Variants in SEZ6L observed in about 807,000 individuals in gnomAD.
SEZ6L encodes the protein seizure related 6 homolog like.
In SEZ6L, 37 loss-of-function variants were observed where a neutral mutation model predicts 106.2. That is an observed-to-expected ratio of 0.35 (90% CI 0.27 to 0.46). The LOEUF (loss-of-function observed/expected upper bound fraction) is 0.46, where lower values mean the gene tolerates loss of function less well. Ranked by LOEUF, SEZ6L falls within the 20% of genes least tolerant of loss-of-function variation. SEZ6L has a pLI of 1.00. For synonymous variants in SEZ6L, 541 were observed against 570.4 expected, an observed-to-expected ratio of 0.95 and a Z score of 0.73; for missense variants, 1,172 against 1,332.8, an observed-to-expected ratio of 0.88 and a Z score of 1.88.
chr22:26,171,429 A>T (rs1938596340), intron 1 of SEZ6L, among the ~76,000 whole-genome samples: 1 of 151,872 alleles, frequency 6.6e-6, no homozygotes, highest in South Asian at 2.1e-4. Flanking sequence ...AAGAACCTGA[A>T]TCTACCCAGC....
At chr22:26,310,471 G>A (rs1359809924) in intron 6 of SEZ6L, among the ~76,000 whole-genome samples, 199 bp from the exon 7 acceptor site, 2 of 152,216 alleles carry the variant, frequency 1.3e-5, no homozygotes, top group African/African-American at 4.8e-5. Flanking sequence ...GGGAGGCGGA[G>A]GTTGCAGTGA....
chr22:26,328,082 G>T (rs866931939), intron 9 of SEZ6L, among the ~76,000 whole-genome samples: 1 of 152,200 alleles, frequency 6.6e-6, no homozygotes, highest in Non-Finnish European at 1.5e-5. Flanking sequence ...TCCACAGAGG[G>T]AAGCATGCAG....
At chr22:26,254,447 T>C (rs2079735127) in intron 1 of SEZ6L, among the ~76,000 whole-genome samples, 1 of 151,610 alleles carries the variant, frequency 6.6e-6, no homozygotes, top group Non-Finnish European at 1.5e-5. Flanking sequence ...GAAGGAAAAA[T>C]GTCAAACAAA....
At chr22:26,233,816 G>T (rs879304452) in intron 1 of SEZ6L, among the ~76,000 whole-genome samples, 13 of 152,186 alleles carry the variant, frequency 8.5e-5, no homozygotes, top group Admixed American at 7.9e-4. Flanking sequence ...GGTAAATGTG[G>T]TTCCCTAGAA....
intron 1 of SEZ6L, among the ~76,000 whole-genome samples, chr22:26,271,942 C>T (rs2080383442): frequency 6.6e-6 from 1 of 152,182 alleles, no homozygotes; most frequent in Non-Finnish European, 1.5e-5. Flanking sequence ...GTGATGTAGA[C>T]AGAAGATGAA....
intron 1 of SEZ6L, among the ~76,000 whole-genome samples, chr22:26,220,856 G>A (rs2078444306): frequency 6.6e-6 from 1 of 152,018 alleles, no homozygotes; most frequent in African/African-American, 2.4e-5. Context: ...GAAAGGAAGG[G>A]GGAATGTGCT....
intron 12 of SEZ6L, among the ~76,000 whole-genome samples, chr22:26,352,814 G>A (rs1276965662): frequency 1.3e-5 from 2 of 152,212 alleles, no homozygotes; most frequent in African/African-American, 2.4e-5. Context: ...TGAAGACAGA[G>A]TATGGCCAAA....
chr22:26,277,029 G>T (rs892181233), intron 1 of SEZ6L, among the ~76,000 whole-genome samples: 3 of 151,962 alleles, frequency 2.0e-5, no homozygotes, highest in Non-Finnish European at 4.4e-5. Flanking sequence ...TTACAAAGGA[G>T]GCCCATTCGT....
chr22:26,253,367 G>A (rs909112035), intron 1 of SEZ6L, among the ~76,000 whole-genome samples: 12 of 152,180 alleles, frequency 7.9e-5, no homozygotes, highest in Non-Finnish European at 1.2e-4. Context: ...TGCTGCTGCT[G>A]CTGATGATGA....
chr22:26,225,626 G>A (rs1240628001), intron 1 of SEZ6L, among the ~76,000 whole-genome samples: 1 of 152,242 alleles, frequency 6.6e-6, no homozygotes, highest in Non-Finnish European at 1.5e-5. Flanking sequence ...GAGAAAGAGG[G>A]ATTAGGGATG....
rs184172885 is a variant in SEZ6L, at chr22:26,367,162, T to C, written c.2794+1596T>C. 1.0e-3 allele frequency among the ~76,000 whole-genome samples: 157 copies of C among 152,216 alleles called. 1 individual carries two copies. The highest frequency in any genetic ancestry group is 3.6e-3 in the African/African-American group (150 of 41,534). On this transcript the variant is annotated intron_variant, in intron 13 of 16. Coordinates refer to ENST00000248933, the MANE Select transcript of SEZ6L (RefSeq NM_021115.5). ...GCTTGCAGTTACATTGAGGCAGGGC[T>C]GGGACGAGTCTGAGGCAAAAGAGGT...
chr22:26,343,293 A>T (rs1055113096), intron 10 of SEZ6L, among the ~76,000 whole-genome samples: 7 of 149,602 alleles, frequency 4.7e-5, no homozygotes, highest in African/African-American at 1.7e-4. Context: ...CGCCCAAGTC[A>T]GTATTCCAAA....
chr22:26,294,213 C>G lies in SEZ6L; in HGVS notation c.836-79C>G, dbSNP rs925834146. 3 of 1,456,480 alleles carry G rather than the reference C, an allele frequency of 2.1e-6. No homozygotes were observed. The African/African-American group carries it at 4.2e-5, about 20-fold the overall frequency. The allele number at this position is 1,456,480 out of a possible 1,614,324, so 90.2% of individuals were successfully genotyped here. A position where few individuals can be genotyped will look rare whatever the true frequency, so the allele number is the denominator to read the frequency against. ...AGCAAAATGCAGGTTCCCCTAAAGC[C>G]CCCATTCCACCCCACAGCCCATGGT... On this transcript the variant is annotated intron_variant, in intron 2 of 16. Transcript: ENST00000248933.
chr22:26,337,777 G>A (rs561849153), intron 9 of SEZ6L, among the ~76,000 whole-genome samples: 2 of 152,292 alleles, frequency 1.3e-5, no homozygotes, highest in Admixed American at 6.5e-5. Flanking sequence ...ATTTGAAGAT[G>A]TTTTGGGAGT....
chr22:26,292,149 G>GAAGT, intron 1 of SEZ6L: 1 of 394,374 alleles, frequency 2.5e-6, no homozygotes, highest in Non-Finnish European at 4.4e-6. Flanking sequence ...AGAAAGAAAG[G>GAAGT]AAGGAAGGAA....
At chr22:26,186,444 T>C (rs924825494) in intron 1 of SEZ6L, among the ~76,000 whole-genome samples, 4 of 152,080 alleles carry the variant, frequency 2.6e-5, no homozygotes, top group Non-Finnish European at 4.4e-5. Context: ...TTGGGCTAAC[T>C]CCAAATATAA....
rs1439993697 is a variant in SEZ6L at position 26,361,341 on chromosome 22, T to TAAA, written c.2600-4030_2600-4029insAAA. Among the ~76,000 whole-genome samples the TAAA allele has an allele frequency of 2.3e-3, 89 of 38,152 alleles. 1 individual carries two copies. Among genetic ancestry groups the TAAA allele is most frequent in the African/African-American group, 6.3e-3 (89 of 14,156 alleles). The allele number at this position is 38,152 out of a possible 152,430, so 25.0% of individuals were successfully genotyped here. A position where few individuals can be genotyped will look rare whatever the true frequency, so the allele number is the denominator to read the frequency against. Reference sequence around the variant, plus strand: ...GGTGGAACCCCGTCTCTACTAAAAATACAAAAACAAAAAAAATCAGCTAGG... The same window carrying TAAA: ...GGTGGAACCCCGTCTCTACTAAAAATAAAACAAAAACAAAAAAAATCAGCTAGG... On this transcript the variant is annotated intron_variant, in intron 12 of 16. Transcript: ENST00000248933.
At chr22:26,347,685 T>C in intron 10 of SEZ6L, 34 bp from the exon 11 acceptor site, 1 of 1,556,258 alleles carries the variant, frequency 6.4e-7, no homozygotes, top group Non-Finnish European at 8.7e-7. Flanking sequence ...CAAGACTGCT[T>C]CCCCCATCTA....
intron 1 of SEZ6L, among the ~76,000 whole-genome samples, chr22:26,218,601 A>G (rs1195829944): frequency 1.3e-5 from 2 of 152,230 alleles, no homozygotes; most frequent in Non-Finnish European, 2.9e-5. Context: ...CAGGAGTTCA[A>G]GACCAGCCTG....
Sources: allele counts gnomAD v4.1 joint callset (sites outside exome capture counted in the v4.1 genomes callset), GRCh38; gene constraint gnomAD v4.1.1; transcripts MANE v1.5; gene names NCBI Gene and HGNC (gene_info 2026-07-23, HGNC 2026-07-21).